ARMH3: variants seen among roughly 807,000 people sequenced by gnomAD.
ARMH3 encodes armadillo-like helical domain-containing protein 3.
A neutral mutation model predicts 99.1 loss-of-function variants in ARMH3; 60 were observed. The observed-to-expected ratio is 0.61, with a 90% CI of 0.49 to 0.75. The LOEUF (loss-of-function observed/expected upper bound fraction) is 0.75, where lower values mean the gene tolerates loss of function less well. ARMH3 is among the 30% of genes least tolerant of loss of function. The pLI, the probability that ARMH3 is intolerant of heterozygous loss-of-function variation, is 0.00. For missense variants in ARMH3, 679 were observed against 843.1 expected (o/e 0.81, Z 2.41); for synonymous variants, 285 against 292.8 (o/e 0.97, Z 0.27).
chr10:101,989,934 GTGGTCTGC>G lies in ARMH3; in HGVS notation c.1406+609_1406+616del, dbSNP rs1306682932. Among the ~76,000 whole-genome samples the G allele has an allele frequency of 5.9e-5, 9 of 152,292 alleles. No individual in the cohort carries two copies. The East Asian group carries it at 1.7e-3, about 29-fold the overall frequency. On this transcript the variant is annotated intron_variant, in intron 19 of 25. Coordinates refer to ENST00000370033, the MANE Select transcript of ARMH3 (RefSeq NM_024541.3). ...AATGCGAAAGCTCAGAGACAACTAA[GTGGTCTGC>G]TGGTATTGCATATCTTTGATTACAA...
chr10:102,006,929 G>A (rs2066505465), intron 13 of ARMH3, among the ~76,000 whole-genome samples: 5 of 151,744 alleles, frequency 3.3e-5, no homozygotes, highest in Admixed American at 3.3e-4. Context: ...CACTTAGGGA[G>A]GCCTGGGCAG....
intron 24 of ARMH3, among the ~76,000 whole-genome samples, chr10:101,870,808 G>C (rs1443280804): frequency 1.3e-5 from 2 of 152,048 alleles, no homozygotes; most frequent in African/African-American, 4.8e-5. Flanking sequence ...TGGGAGGCCT[G>C]GTAGCCTGTA....
At chr10:101,995,863 T>C (rs1847031142) in intron 15 of ARMH3, among the ~76,000 whole-genome samples, 1 of 152,246 alleles carries the variant, frequency 6.6e-6, no homozygotes, top group Non-Finnish European at 1.5e-5. Context: ...TGTATACTTA[T>C]GCCCTAGAAA....
chr10:102,049,477 G>A (rs1321223423), intron 1 of ARMH3, among the ~76,000 whole-genome samples: 2 of 152,056 alleles, frequency 1.3e-5, no homozygotes, highest in Admixed American at 1.3e-4. Flanking sequence ...AGGAGGCGGA[G>A]GTTGCAGTGA....
intron 22 of ARMH3, among the ~76,000 whole-genome samples, chr10:101,941,595 A>G (rs991731738): frequency 2.6e-5 from 4 of 152,226 alleles, no homozygotes; most frequent in Non-Finnish European, 4.4e-5. Flanking sequence ...AATGTCTCAC[A>G]TTTATAAATT....
intron 18 of ARMH3, among the ~76,000 whole-genome samples, chr10:101,991,394 C>CTT: frequency 6.8e-6 from 1 of 147,036 alleles, no homozygotes. Flanking sequence ...AATTTGAAAT[C>CTT]TTTTTTTTTT....
At chr10:101,893,517 G>A (rs766791116) in intron 23 of ARMH3, among the ~76,000 whole-genome samples, 1 of 151,992 alleles carries the variant, frequency 6.6e-6, no homozygotes, top group African/African-American at 2.4e-5. Flanking sequence ...CTGTCTGGGT[G>A]GAATGTTAGC....
intron 19 of ARMH3, among the ~76,000 whole-genome samples, chr10:101,976,382 A>AGT (rs1846010227): frequency 9.0e-6 from 1 of 110,822 alleles, no homozygotes; most frequent in African/African-American, 3.3e-5. Context: ...TAGATTAATC[A>AGT]ATCTCTCTCT....
chr10:101,966,451 A>T (rs188917947), intron 20 of ARMH3, among the ~76,000 whole-genome samples: 69 of 151,514 alleles, frequency 4.6e-4, no homozygotes, highest in Non-Finnish European at 4.1e-4. Context: ...TAATTTTTGT[A>T]TTTTTAGTAG....
At chr10:101,847,887 C>A (rs2066499294) in intron 25 of ARMH3, among the ~76,000 whole-genome samples, 2 of 152,142 alleles carry the variant, frequency 1.3e-5, no homozygotes, top group Non-Finnish European at 2.9e-5. Context: ...TAGAAGCAGG[C>A]ACAGACAAGA....
At chr10:101,955,511 A>C (rs1471009300) in intron 22 of ARMH3, among the ~76,000 whole-genome samples, 1 of 152,188 alleles carries the variant, frequency 6.6e-6, no homozygotes, top group African/African-American at 2.4e-5. Context: ...TTCTCTAAAA[A>C]ATAAAGTATA....
rs2066480267 is a variant in ARMH3 at position 101,847,026 on chromosome 10, A to C, written c.*502T>G. On this transcript the variant is annotated 3_prime_UTR_variant, in exon 26 of 26. Transcript: ENST00000370033. Reference sequence around the variant, plus strand: ...TAAATCTGAGCCAAAGGTCCCGATGACTGGACAAAGTGCCAGTGCAGGCAG... The same window carrying C: ...TAAATCTGAGCCAAAGGTCCCGATGCCTGGACAAAGTGCCAGTGCAGGCAG... 6.5e-6 allele frequency: 1 copy of C among 154,542 alleles called. No individual in the cohort carries two copies. Among genetic ancestry groups the C allele is most frequent in the Non-Finnish European group, 1.4e-5 (1 of 69,586 alleles). 9.6% of individuals were successfully genotyped at this position (154,542 alleles called of 1,614,324 possible). A position where few individuals can be genotyped will look rare whatever the true frequency, so the allele number is the denominator to read the frequency against.
chr10:102,044,404 C>T (rs1358929628), intron 1 of ARMH3, among the ~76,000 whole-genome samples: 2 of 148,664 alleles, frequency 1.3e-5, no homozygotes. Flanking sequence ...CAGAGTCTGG[C>T]TCTGTTGTCC....
intron 24 of ARMH3, among the ~76,000 whole-genome samples, chr10:101,866,222 A>G (rs2066999207): frequency 6.6e-6 from 1 of 151,762 alleles, no homozygotes; most frequent in African/African-American, 2.4e-5. Context: ...ACTCCATCTC[A>G]GAAGAAAAAA....
At chr10:102,007,172 A>G (rs1041229539) in intron 13 of ARMH3, among the ~76,000 whole-genome samples, 2 of 149,460 alleles carry the variant, frequency 1.3e-5, no homozygotes, top group African/African-American at 4.9e-5. Context: ...AAAAAAAAAA[A>G]AAAAAAGAAA....
chr10:101,922,468 T>A (rs1843342458), intron 23 of ARMH3, among the ~76,000 whole-genome samples: 1 of 152,154 alleles, frequency 6.6e-6, no homozygotes, highest in Admixed American at 6.5e-5. Flanking sequence ...CCCAGGCTGG[T>A]CTCAAACTCT....
intron 24 of ARMH3, among the ~76,000 whole-genome samples, chr10:101,855,650 A>G (rs2066720786): frequency 6.7e-6 from 1 of 150,296 alleles, no homozygotes; most frequent in Admixed American, 6.6e-5. Context: ...GTCTCAAGTG[A>G]TTCTTCCACC....
rs146950742 is a variant in ARMH3 at position 102,053,875 on chromosome 10, G to A, written c.-12+2210C>T. Among the ~76,000 whole-genome samples the A allele has an allele frequency of 5.5e-3, 838 of 151,972 alleles. 14 individuals carry two copies. The highest frequency in any genetic ancestry group is 0.019 in the African/African-American group (784 of 41,448). ...GGGTTTCACCATGTTAGCCAGGATGGTCTTGATCTCCTGACCTTGTGATCC... is the reference window on the plus strand; with the variant it reads ...GGGTTTCACCATGTTAGCCAGGATGATCTTGATCTCCTGACCTTGTGATCC... On this transcript the variant is annotated intron_variant, in intron 1 of 25. Transcript: ENST00000370033.
At chr10:102,026,525 T>C (rs1444770360) in intron 5 of ARMH3, among the ~76,000 whole-genome samples, 5 of 152,040 alleles carry the variant, frequency 3.3e-5, no homozygotes, top group South Asian at 4.1e-4. Flanking sequence ...TCAATAGGAA[T>C]TGGGGAGGAA....
Sources: allele counts gnomAD v4.1 joint callset (sites outside exome capture counted in the v4.1 genomes callset), GRCh38; gene constraint gnomAD v4.1.1; transcripts MANE v1.5; gene names NCBI Gene and HGNC (gene_info 2026-07-23, HGNC 2026-07-21).